Variants in FOXP2 observed in about 807,000 individuals in gnomAD.
FOXP2 encodes the protein forkhead box protein P2.
FOXP2 carries 12 observed loss-of-function variants against 115.8 expected under a neutral mutation model. That is an observed-to-expected ratio of 0.10 (90% CI 0.07 to 0.17). The LOEUF (loss-of-function observed/expected upper bound fraction) is 0.17. Among genes scored for constraint, FOXP2 ranks in the 10% least tolerant of loss-of-function variants. FOXP2 has a pLI of 1.00. For synonymous variants in FOXP2, 328 were observed against 297.7 expected (o/e 1.10, Z -1.05); for missense variants, 629 against 843.5 (o/e 0.75, Z 3.15).
At chr7:114,484,909 G>T (rs993605637) in intron 2 of FOXP2, among the ~76,000 whole-genome samples, 3 of 151,590 alleles carry the variant, frequency 2.0e-5, no homozygotes, top group African/African-American at 7.3e-5. Context: ...TTTTAAAATT[G>T]GTATTGGTTG....
chr7:114,252,317 A>T (rs1410125211), intron 1 of FOXP2, among the ~76,000 whole-genome samples: 1 of 152,172 alleles, frequency 6.6e-6, no homozygotes, highest in Non-Finnish European at 1.5e-5. Flanking sequence ...AAAATGACTT[A>T]GGGAGGATTC....
At chr7:114,239,717 AT>A (rs1795103881) in intron 1 of FOXP2, among the ~76,000 whole-genome samples, 1 of 152,184 alleles carries the variant, frequency 6.6e-6, no homozygotes, top group Non-Finnish European at 1.5e-5. Flanking sequence ...TTACCTGAGC[AT>A]TTTGGTTTCA....
At chr7:114,190,767 T>C (rs1793737213) in intron 1 of FOXP2, among the ~76,000 whole-genome samples, 1 of 152,126 alleles carries the variant, frequency 6.6e-6, no homozygotes, top group African/African-American at 2.4e-5. Flanking sequence ...ACTTATATCC[T>C]TCTTCCAGAG....
chr7:114,566,982 A>G (rs1801055995), intron 3 of FOXP2, among the ~76,000 whole-genome samples: 1 of 152,050 alleles, frequency 6.6e-6, no homozygotes, highest in Non-Finnish European at 1.5e-5. Flanking sequence ...CTAAATATGA[A>G]CACACCTATA....
chr7:114,513,966 G>T (rs558908693), intron 2 of FOXP2, among the ~76,000 whole-genome samples: 6 of 151,844 alleles, frequency 4.0e-5, no homozygotes, highest in African/African-American at 1.4e-4. Flanking sequence ...TGACATTGTG[G>T]CCATACCCCA....
chr7:114,462,653 G>T (rs778757426), intron 2 of FOXP2, among the ~76,000 whole-genome samples: 1 of 152,114 alleles, frequency 6.6e-6, no homozygotes. Context: ...TTACAGGCGT[G>T]AGCCACCGCG....
At chr7:114,586,244 T>TA (rs935567398) in intron 3 of FOXP2, among the ~76,000 whole-genome samples, 8 of 152,186 alleles carry the variant, frequency 5.3e-5, no homozygotes, top group Non-Finnish European at 8.8e-5. Context: ...GTGTGAAGTT[T>TA]AAAAAGAGTT....
chr7:114,231,890 T>G (rs1392443665), intron 1 of FOXP2, among the ~76,000 whole-genome samples: 1 of 152,058 alleles, frequency 6.6e-6, no homozygotes, highest in African/African-American at 2.4e-5. Flanking sequence ...ACTAAAAAGT[T>G]TCAGTGCAGC....
chr7:114,630,032 A>T (rs754897692), intron 5 of FOXP2, 27 bp downstream of exon 5: 13 of 1,605,096 alleles, frequency 8.1e-6, no homozygotes, highest in Non-Finnish European at 1.1e-5. Context: ...TCATTGATAC[A>T]TAACAGTTTG....
At chr7:114,436,296 A>G (rs1004552463) in intron 2 of FOXP2, among the ~76,000 whole-genome samples, 5 of 151,522 alleles carry the variant, frequency 3.3e-5, no homozygotes, top group African/African-American at 1.2e-4. Context: ...CCTTTGAAGC[A>G]TCTGTCACAG....
At chr7:114,488,580 C>T (rs1224129064) in intron 2 of FOXP2, among the ~76,000 whole-genome samples, 3 of 152,028 alleles carry the variant, frequency 2.0e-5, no homozygotes, top group African/African-American at 7.2e-5. Context: ...TCTTCAGATT[C>T]AATTTTGCTG....
chr7:114,465,247 G>A (rs1321707285), intron 2 of FOXP2, among the ~76,000 whole-genome samples: 6 of 152,170 alleles, frequency 3.9e-5, no homozygotes, highest in Admixed American at 3.9e-4. Flanking sequence ...TTACAGGCAT[G>A]AGCCACAACG....
intron 16 of FOXP2, chr7:114,666,082 A>G (rs972972858): frequency 6.6e-6 from 1 of 152,096 alleles, no homozygotes; most frequent in African/African-American, 2.4e-5. Flanking sequence ...CCTAAAAATT[A>G]TACATATAAT....
intron 10 of FOXP2, among the ~76,000 whole-genome samples, chr7:114,657,258 G>C (rs1290159845): frequency 6.6e-6 from 1 of 152,126 alleles, no homozygotes; most frequent in Non-Finnish European, 1.5e-5. Context: ...CTGTTAAACA[G>C]CTTGCATACA....
rs567032202 is a variant in FOXP2, at chr7:114,589,533, A to G, written c.259-39007A>G. ...GAGTTAAGGCTAAACTGCTCTGCTT[A>G]TCTTTCTCATTCCTCCACCCATATT... On this transcript the variant is annotated intron_variant, in intron 3 of 16. Coordinates refer to ENST00000350908, the MANE Select transcript of FOXP2 (RefSeq NM_014491.4). Among the ~76,000 whole-genome samples, 326 of 152,308 alleles carry G rather than the reference A, an allele frequency of 2.1e-3. 1 individual carries two copies. Among genetic ancestry groups the G allele is most frequent in the Non-Finnish European group, 3.8e-3 (259 of 68,036 alleles).
intron 2 of FOXP2, among the ~76,000 whole-genome samples, chr7:114,428,844 A>G (rs1042752535): frequency 2.0e-5 from 3 of 151,570 alleles, no homozygotes; most frequent in African/African-American, 4.8e-5. Context: ...TATTAAAACA[A>G]ATTTCACAAG....
chr7:114,329,672 ATTTATTTATTTATTT>A (rs914992690), intron 2 of FOXP2, among the ~76,000 whole-genome samples: 5 of 52,720 alleles, frequency 9.5e-5, no homozygotes, highest in Middle Eastern at 6.3e-3. Context: ...TTATTTATTT[ATTTATTTATTTATTT>A]ATTTTATGAG....
intron 2 of FOXP2, among the ~76,000 whole-genome samples, chr7:114,391,190 G>GAA (rs555238683): frequency 1.6e-4 from 22 of 139,824 alleles, no homozygotes; most frequent in Middle Eastern, 3.7e-3. Context: ...TCCATCTCAG[G>GAA]AAAAAAAAAA....
chr7:114,482,898 A>C (rs148449278), intron 2 of FOXP2, among the ~76,000 whole-genome samples: 1 of 151,696 alleles, frequency 6.6e-6, no homozygotes, highest in Non-Finnish European at 1.5e-5. Context: ...AGAATCCTAA[A>C]ATTTCTAGAC....
Sources: allele counts gnomAD v4.1 joint callset (sites outside exome capture counted in the v4.1 genomes callset), GRCh38; gene constraint gnomAD v4.1.1; transcripts MANE v1.5; gene names NCBI Gene and HGNC (gene_info 2026-07-23, HGNC 2026-07-21).